TMEM63B: variants seen among roughly 807,000 people sequenced by gnomAD.
The protein encoded by TMEM63B is mechanosensitive cation channel TMEM63B.
Under a neutral mutation model 102.6 loss-of-function variants are expected in TMEM63B, and 23 were observed. The ratio of observed to expected loss-of-function variants is 0.22; its 90% CI spans 0.16 to 0.32. The LOEUF (loss-of-function observed/expected upper bound fraction) is 0.32, where lower values mean the gene tolerates loss of function less well. Ranked by LOEUF, TMEM63B falls within the 10% of genes least tolerant of loss-of-function variation. The pLI is 1.00. For missense variants in TMEM63B, 628 were observed against 1,095.9 expected (o/e 0.57, Z 6.03); for synonymous variants, 444 against 437.0 (o/e 1.02, Z -0.20).
intron 23 of TMEM63B, 43 bp downstream of exon 23, chr6:44,154,488 G>T: frequency 6.2e-7 from 1 of 1,609,050 alleles, no homozygotes; most frequent in Non-Finnish European, 8.5e-7. Context: ...GACAGACTCA[G>T]CCTCAAAGCC....
rs776687560 is a variant in TMEM63B at position 44,154,869 on chromosome 6, G to A, written c.2485G>A (p.Glu829Lys). 6.4e-7 allele frequency: 1 copy of A among 1,572,862 alleles called. No homozygotes were observed. Among genetic ancestry groups the A allele is most frequent in the Non-Finnish European group, 8.6e-7 (1 of 1,161,134 alleles). Residue 829 changes from glutamate to lysine, a missense_variant, in exon 24 of 24, where the codon GAG becomes AAG. Glu to Lys is a moderately conservative substitution (Grantham distance 56, BLOSUM62 1). This residue lies in a region of TMEM63B where 129 missense variants were observed against 153.5 expected (regional missense o/e 0.84). Transcript: ENST00000323267. The part of the protein sequence containing the change: ...QSCEDSLIEN[E>K]IHQ ...TTGCGAGGACAGCCTCATAGAGAAT[G>A]AGATTCACCAGTAAGGGGAGGGAGG...
At chr6:44,132,592 C>A (rs1164039385) in intron 1 of TMEM63B, among the ~76,000 whole-genome samples, 1 of 152,136 alleles carries the variant, frequency 6.6e-6, no homozygotes, top group African/African-American at 2.4e-5. Flanking sequence ...TACCTTTAAC[C>A]TCCCATAGTG....
At chr6:44,154,599 C>A in intron 23 of TMEM63B, 93 bp from the exon 24 acceptor site, 1 of 1,463,276 alleles carries the variant, frequency 6.8e-7, no homozygotes, top group Non-Finnish European at 9.2e-7. Context: ...CCCCCCAGGG[C>A]CCTGCCCACT....
At position 44,150,518 on chromosome 6, in the gene TMEM63B, T is replaced by G. The variant is rs181958238; in HGVS notation, c.1608-46T>G. 1,168 of 1,607,304 alleles carry G rather than the reference T, an allele frequency of 7.3e-4. 6 individuals carry two copies. The African/African-American group carries it at 0.014, about 19-fold the overall frequency. Reference sequence around the variant, plus strand: ...AGGGACTTCCCCTCCCCTGGTGTTCTGTACCACTCCAGCTCCCACCCCATC... The same window carrying G: ...AGGGACTTCCCCTCCCCTGGTGTTCGGTACCACTCCAGCTCCCACCCCATC... On this transcript the variant is annotated intron_variant, in intron 17 of 23. Transcript: ENST00000323267. This position sits in a 1 kb window ranked among gnomAD's most constrained non-coding sequence, Gnocchi z 4.7.
rs753862314 is a variant in TMEM63B, at chr6:44,147,485, G to A, written c.972G>A (p.Val324=). 6 of 1,614,174 alleles carry A rather than the reference G, an allele frequency of 3.7e-6. No individual in the cohort carries two copies. The highest frequency in any genetic ancestry group is 1.3e-5 in the African/African-American group (1 of 75,034). The part of the protein sequence containing the change: ...KPCGHLCCCV[V]RGCEQVEAIE... ...GTGGCCACCTCTGCTGCTGTGTGGT[G>A]CGAGGCTGTGAGCAGGTATGACGCG... The change falls in exon 12 of 24, where the codon GTG becomes GTA. Residue 324 remains valine, a synonymous_variant. Transcript: ENST00000323267.
intron 1 of TMEM63B, among the ~76,000 whole-genome samples, chr6:44,128,950 A>G (rs546565317): frequency 1.3e-5 from 2 of 152,332 alleles, no homozygotes; most frequent in East Asian, 3.9e-4. Flanking sequence ...GCAGTGGGTA[A>G]CTAAGAACCC....
chr6:44,135,989 T>G (rs1410310600), intron 4 of TMEM63B, among the ~76,000 whole-genome samples: 1 of 152,158 alleles, frequency 6.6e-6, no homozygotes. Context: ...CTCATTGCTC[T>G]TTGCATAATG....
intron 10 of TMEM63B, among the ~76,000 whole-genome samples, chr6:44,145,437 A>G (rs1202026665): frequency 6.6e-6 from 1 of 151,282 alleles, no homozygotes; most frequent in African/African-American, 2.4e-5. Flanking sequence ...AAAAAAAAAA[A>G]AAAAATTAGC....
In TMEM63B at chr6:44,155,038, C is replaced by T. The variant is rs1767751015; in HGVS notation, c.*155C>T. On this transcript the variant is annotated 3_prime_UTR_variant, in exon 24 of 24. Coordinates refer to ENST00000323267, the MANE Select transcript of TMEM63B (RefSeq NM_018426.3). ...AAACTTGGGGGTTTCACTGCTCTCC[C>T]CCATGATGGAGGGAGGGAGCCCCCC... The T allele has an allele frequency of 1.4e-6, 1 of 722,816 alleles. No homozygotes were observed. The highest frequency in any genetic ancestry group is 2.1e-6 in the Non-Finnish European group (1 of 486,878). 44.8% of individuals were successfully genotyped at this position (722,816 alleles called of 1,614,324 possible). A position where few individuals can be genotyped will look rare whatever the true frequency, so the allele number is the denominator to read the frequency against.
intron 1 of TMEM63B, among the ~76,000 whole-genome samples, chr6:44,134,151 C>G (rs560997415): frequency 4.6e-5 from 7 of 152,316 alleles, no homozygotes; most frequent in African/African-American, 1.4e-4. Context: ...TCATCTTACC[C>G]TTGAGTCCTC....
intron 12 of TMEM63B, 127 bp downstream of exon 12, chr6:44,147,627 G>C (rs908154151): frequency 2.6e-5 from 36 of 1,358,842 alleles, no homozygotes; most frequent in African/African-American, 1.5e-5. Flanking sequence ...TCCCACTGTT[G>C]GGTTTGTCTA....
intron 1 of TMEM63B, chr6:44,127,981 C>G (rs969351461): frequency 5.3e-5 from 8 of 151,324 alleles, no homozygotes; most frequent in African/African-American, 1.9e-4. Flanking sequence ...CCACTCTTCT[C>G]CCACCTGCCC....
At chr6:44,149,170 G>A (rs1049355632) in intron 15 of TMEM63B, 55 of 608,012 alleles carry the variant, frequency 9.0e-5, no homozygotes, top group Non-Finnish European at 1.4e-4. Flanking sequence ...AACACCCAGG[G>A]AAGAGAGAGA....
At position 44,127,577 on chromosome 6, in the gene TMEM63B, G is replaced by A. The variant is rs1276064877; in HGVS notation, c.-126G>A. ...CCATACACTGCCGCGGCCGCCGCAG[G>A]AGCCCGGAGCTCGAGCCGCCCAGCG... On this transcript the variant is annotated 5_prime_UTR_variant, in exon 1 of 24. Transcript: ENST00000323267. The A allele has an allele frequency of 7.6e-6, 1 of 130,966 alleles. No individual in the cohort carries two copies. Among genetic ancestry groups the A allele is most frequent in the African/African-American group, 2.9e-5 (1 of 35,014 alleles). 8.1% of individuals were successfully genotyped at this position (130,966 alleles called of 1,614,324 possible).
chr6:44,128,140 C>T (rs542495859), intron 1 of TMEM63B, among the ~76,000 whole-genome samples: 12 of 152,288 alleles, frequency 7.9e-5, no homozygotes, highest in African/African-American at 2.9e-4. Context: ...TTTATTTTTT[C>T]TGCTGCTCCC....
intron 1 of TMEM63B, among the ~76,000 whole-genome samples, chr6:44,130,664 T>C (rs929935343): frequency 2.6e-5 from 4 of 151,672 alleles, no homozygotes; most frequent in African/African-American, 9.7e-5. Flanking sequence ...TTGCCCAAGC[T>C]GGTCTCGAAC....
chr6:44,154,126 G>C lies in TMEM63B; in HGVS notation c.2164G>C (p.Val722Leu). The C allele has an allele frequency of 6.2e-7, 1 of 1,614,088 alleles. No homozygotes were observed. The highest frequency in any genetic ancestry group is 8.5e-7 in the Non-Finnish European group (1 of 1,179,986). Reference sequence around the variant, plus strand: ...ATTTGTGGTCCTGGTCATCACCATCGTCATCTGTCTCTGCCACGTCTGCTT... The same window carrying C: ...ATTTGTGGTCCTGGTCATCACCATCCTCATCTGTCTCTGCCACGTCTGCTT... Reference protein sequence around the residue: ...FTFVVLVITIVICLCHVCFGH... With the variant: ...FTFVVLVITILICLCHVCFGH... The change falls in exon 22 of 24, where the codon GTC becomes CTC. Residue 722 changes from valine (V) to leucine (L), a missense_variant. Val to Leu is a conservative substitution (Grantham distance 32). This residue lies in a region of TMEM63B where 129 missense variants were observed against 153.5 expected (regional missense o/e 0.84). Transcript: ENST00000323267.
Position 44,151,990 on chromosome 6 carries a change from G to T in TMEM63B, c.1818G>T (p.Glu606Asp). The change falls in exon 19 of 24, where the codon GAG becomes GAT. Residue 606 changes from glutamate (E) to aspartate (D), a missense_variant. Glu to Asp is a conservative substitution (Grantham distance 45, BLOSUM62 2). Around this residue, in one of 6 missense-constraint regions of TMEM63B, gnomAD observed 90 missense variants for 136.7 expected, o/e 0.66. Coordinates refer to ENST00000323267, the MANE Select transcript of TMEM63B (RefSeq NM_018426.3). ...TCTGCCTGGCGCGCTCGGCCGCCGAGAGGCGCAACGTGAAGCGGGTACGGC... is the reference window on the plus strand; with the variant it reads ...TCTGCCTGGCGCGCTCGGCCGCCGATAGGCGCAACGTGAAGCGGGTACGGC... Reference protein sequence around the residue: ...IRLCLARSAAERRNVKRHQAY... With the variant: ...IRLCLARSAADRRNVKRHQAY... 1 of 1,610,482 alleles carries T rather than the reference G, an allele frequency of 6.2e-7. No individual in the cohort carries two copies. The highest frequency in any genetic ancestry group is 8.5e-7 in the Non-Finnish European group (1 of 1,178,368).
intron 5 of TMEM63B, 112 bp from the exon 6 acceptor site, chr6:44,138,368 G>A: frequency 7.6e-7 from 1 of 1,321,802 alleles, no homozygotes; most frequent in South Asian, 1.2e-5. Flanking sequence ...TTTAGTGAGG[G>A]GTGTGGAAGC....
Sources: allele counts gnomAD v4.1 joint callset (sites outside exome capture counted in the v4.1 genomes callset), GRCh38; gene constraint gnomAD v4.1.1; regional missense constraint gnomAD v4.1.1; non-coding constraint Gnocchi (gnomAD v3.1); transcripts MANE v1.5; gene names NCBI Gene and HGNC (gene_info 2026-07-23, HGNC 2026-07-21).